Variants in PITPNM3 observed in about 807,000 individuals in gnomAD.
The protein encoded by PITPNM3 is membrane-associated phosphatidylinositol transfer protein 3.
Under a neutral mutation model 102.0 loss-of-function variants are expected in PITPNM3, and 26 were observed. That is an observed-to-expected ratio of 0.25 (90% CI 0.19 to 0.35). The LOEUF (loss-of-function observed/expected upper bound fraction) is 0.35, where lower values mean the gene tolerates loss of function less well. PITPNM3 is among the 10% of genes least tolerant of loss of function. The pLI is 1.00. For synonymous variants in PITPNM3, 578 were observed against 558.6 expected (o/e 1.03, Z -0.49); for missense variants, 1,083 against 1,346.1 (o/e 0.80, Z 3.06).
chr17:6,455,447 G>T lies in PITPNM3; in HGVS notation c.2816C>A (p.Pro939His), dbSNP rs759010442. ...VQQPDPPAAN[P>H]KPERAQSQPE... ...CTGGCTCTGGGCCCGCTCGGGCTTG[G>T]GGTTGGCGGCGGGCGGGTCGGGCTG... Residue 939 changes from proline (P) to histidine (H), a missense_variant, in exon 20 of 20, where the codon CCC (proline) becomes CAC (histidine). Transcript: ENST00000262483. 6.2e-6 allele frequency: 10 copies of T among 1,604,606 alleles called. No individual in the cohort carries two copies. The highest frequency in any genetic ancestry group is 2.5e-6 in the Non-Finnish European group (3 of 1,179,206).
chr17:6,538,163 TA>T, intron 1 of PITPNM3, 81 bp from the exon 2 acceptor site: 1 of 1,002,292 alleles, frequency 1.0e-6, no homozygotes. Flanking sequence ...CCCCCTGGAC[TA>T]AAGGCCAGTT....
At chr17:6,491,229 C>T (rs942728245) in intron 4 of PITPNM3, among the ~76,000 whole-genome samples, 4 of 151,470 alleles carry the variant, frequency 2.6e-5, no homozygotes, top group African/African-American at 4.9e-5. Context: ...GGACCAGCAG[C>T]TCAAGGGAAT....
rs1298303560 is a variant in PITPNM3 at position 6,461,020 on chromosome 17, CT to C, written c.2490+352del. 19 of 362,330 alleles carry C rather than the reference CT, an allele frequency of 5.2e-5. No homozygotes were observed. In the East Asian group the frequency reaches 1.1e-3, roughly 21 times the overall value. The allele number at this position is 362,330 out of a possible 1,614,324, so 22.4% of individuals were successfully genotyped here. On this transcript the variant is annotated intron_variant, in intron 18 of 19. Coordinates refer to ENST00000262483, the MANE Select transcript of PITPNM3 (RefSeq NM_031220.4). ...CACGGAAAGCACATCCTCTGCCCCC[CT>C]GGTTCTGTTTGTCTCTGTGCAGCCC...
rs1420517628 is a variant in PITPNM3 at position 6,537,942 on chromosome 17, T to TA, written c.118+44dup. On this transcript the variant is annotated intron_variant, in intron 2 of 19. Coordinates refer to ENST00000262483, the MANE Select transcript of PITPNM3 (RefSeq NM_031220.4). The surrounding 1 kb of genome is among the most constrained non-coding windows in gnomAD (Gnocchi z 4.4). Reference sequence around the variant, plus strand: ...AATGGGATCTTCTTCTTGAGGCTTCTAGGAAGGTCACCCAGCCAGTGATAT... The same window carrying TA: ...AATGGGATCTTCTTCTTGAGGCTTCTAAGGAAGGTCACCCAGCCAGTGATAT... The TA allele has an allele frequency of 2.0e-6, 3 of 1,526,922 alleles. No homozygotes were observed. Among genetic ancestry groups the TA allele is most frequent in the Non-Finnish European group, 2.7e-6 (3 of 1,103,092 alleles). The allele number at this position is 1,526,922 out of a possible 1,614,324, so 94.6% of individuals were successfully genotyped here. A position where few individuals can be genotyped will look rare whatever the true frequency, so the allele number is the denominator to read the frequency against.
rs563029503 is a variant in PITPNM3 at position 6,483,426 on chromosome 17, C to G, written c.587+91G>C. On this transcript the variant is annotated intron_variant, in intron 6 of 19. Coordinates refer to ENST00000262483, the MANE Select transcript of PITPNM3 (RefSeq NM_031220.4). Reference sequence around the variant, plus strand: ...CCCAGAGAGTCCTTGCAGGTACCCACCTGCCCACGGGGTCCATGCTGCAGG... The same window carrying G: ...CCCAGAGAGTCCTTGCAGGTACCCAGCTGCCCACGGGGTCCATGCTGCAGG... 7.8e-6 allele frequency: 10 copies of G among 1,280,312 alleles called. No homozygotes were observed. In the Admixed American group the frequency reaches 7.9e-5, roughly 10 times the overall value. The allele number at this position is 1,280,312 out of a possible 1,614,324, so 79.3% of individuals were successfully genotyped here.
intron 4 of PITPNM3, among the ~76,000 whole-genome samples, chr17:6,502,399 T>G (rs1175375928): frequency 6.6e-6 from 1 of 151,938 alleles, no homozygotes; most frequent in African/African-American, 2.4e-5. Context: ...GAGGTTGTAG[T>G]GAGCCGAGAT....
At chr17:6,494,718 A>G (rs1906699879) in intron 4 of PITPNM3, among the ~76,000 whole-genome samples, 1 of 152,206 alleles carries the variant, frequency 6.6e-6, no homozygotes, top group Non-Finnish European at 1.5e-5. Context: ...GAGAGTAAAC[A>G]TCAGTATAGC....
At chr17:6,523,599 T>C (rs1908661697) in intron 3 of PITPNM3, among the ~76,000 whole-genome samples, 1 of 152,222 alleles carries the variant, frequency 6.6e-6, no homozygotes, top group African/African-American at 2.4e-5. Context: ...GGGAAGGGGA[T>C]GGCCAAATGG....
At position 6,474,576 on chromosome 17, in the gene PITPNM3, A is replaced by G. The variant is rs1381042842; in HGVS notation, c.1114T>C (p.Ser372Pro). 6.3e-7 allele frequency: 1 copy of G among 1,582,782 alleles called. No homozygotes were observed. Among genetic ancestry groups the G allele is most frequent in the Non-Finnish European group, 8.6e-7 (1 of 1,165,282 alleles). The stretch of plus-strand genomic sequence containing the variant: ...GGCCCCCCAGCCGCCGGGGTCTCAG[A>G]CTCATCCTTTAGCACGCTGGAGTGG... ...SIHSSVLKDE[S>P]ETPAAGGPQL... Residue 372 changes from serine to proline, a missense_variant, in exon 10 of 20, where the codon TCT becomes CCT. Around this residue, in one of 5 missense-constraint regions of PITPNM3, gnomAD observed 172 missense variants for 175.6 expected, o/e 0.98. Transcript: ENST00000262483.
At position 6,469,759 on chromosome 17, in the gene PITPNM3, C is replaced by T. The variant is rs1904969078; in HGVS notation, c.1773+501G>A. On this transcript the variant is annotated intron_variant, in intron 13 of 19. Coordinates refer to ENST00000262483, the MANE Select transcript of PITPNM3 (RefSeq NM_031220.4). This position sits in a 1 kb window ranked among gnomAD's most constrained non-coding sequence, Gnocchi z 4.0. ...AAACACAAGCCAGTTGCTATTTCTT[C>T]CTTGCTCACAGCCCTGCAATGGCTT... Among the ~76,000 whole-genome samples, 1 of 152,216 alleles carries T rather than the reference C, an allele frequency of 6.6e-6. No individual in the cohort carries two copies. The highest frequency in any genetic ancestry group is 1.5e-5 in the Non-Finnish European group (1 of 68,042).
In PITPNM3 at chr17:6,455,303, G is replaced by T; in HGVS notation, c.*35C>A. The T allele has an allele frequency of 6.5e-7, 1 of 1,533,550 alleles. No homozygotes were observed. The allele number at this position is 1,533,550 out of a possible 1,614,324, so 95.0% of individuals were successfully genotyped here. ...CCGTCCCCGCAGGCAGCCTGATTGG[G>T]CCCCCCGCTCCCTGCTCTGAGCACA... On this transcript the variant is annotated 3_prime_UTR_variant, in exon 20 of 20. Coordinates refer to ENST00000262483, the MANE Select transcript of PITPNM3 (RefSeq NM_031220.4).
chr17:6,554,687 T>A (rs546161292), intron 1 of PITPNM3, among the ~76,000 whole-genome samples: 2 of 152,046 alleles, frequency 1.3e-5, no homozygotes, highest in African/African-American at 4.8e-5. Flanking sequence ...GGTAAGGGGG[T>A]GACCTATCAG....
chr17:6,465,628 T>C (rs992606738), intron 14 of PITPNM3, among the ~76,000 whole-genome samples: 6 of 152,352 alleles, frequency 3.9e-5, no homozygotes, highest in Non-Finnish European at 8.8e-5. Context: ...CGTTCTTCCC[T>C]TGCCCAATTC....
rs552772687 is a variant in PITPNM3 at position 6,515,441 on chromosome 17, A to G, written c.226+9915T>C. Among the ~76,000 whole-genome samples, 10 of 151,596 alleles carry G rather than the reference A, an allele frequency of 6.6e-5. No individual in the cohort carries two copies. The South Asian group carries it at 2.1e-3, about 32-fold the overall frequency. On this transcript the variant is annotated intron_variant, in intron 3 of 19. Coordinates refer to ENST00000262483, the MANE Select transcript of PITPNM3 (RefSeq NM_031220.4). ...AGAAAGAAAGAAAAGAAAAAATATTATTGAGCTAGATAATGGTGATAGTTG... is the reference window on the plus strand; with the variant it reads ...AGAAAGAAAGAAAAGAAAAAATATTGTTGAGCTAGATAATGGTGATAGTTG...
Position 6,556,280 on chromosome 17 carries a change from T to G in PITPNM3, c.22+105A>C. On this transcript the variant is annotated intron_variant, in intron 1 of 19. Transcript: ENST00000262483. This position sits in a 1 kb window ranked among gnomAD's most constrained non-coding sequence, Gnocchi z 5.2. ...CCGCCCCCTACGCCCTCCCGGGACCTCCGCCCACCTGCGCGAGGGGTTCAC... is the reference window on the plus strand; with the variant it reads ...CCGCCCCCTACGCCCTCCCGGGACCGCCGCCCACCTGCGCGAGGGGTTCAC... 1 of 1,020,986 alleles carries G rather than the reference T, an allele frequency of 9.8e-7. No individual in the cohort carries two copies. Among genetic ancestry groups the G allele is most frequent in the South Asian group, 2.0e-5 (1 of 49,294 alleles). 63.2% of individuals were successfully genotyped at this position (1,020,986 alleles called of 1,614,324 possible). A position where few individuals can be genotyped will look rare whatever the true frequency, so the allele number is the denominator to read the frequency against.
At chr17:6,549,346 C>T (rs1247765764) in intron 1 of PITPNM3, among the ~76,000 whole-genome samples, 1 of 152,266 alleles carries the variant, frequency 6.6e-6, no homozygotes, top group Admixed American at 6.5e-5. Context: ...CTGACAGTGA[C>T]CACACAGGCT....
At position 6,452,504 on chromosome 17, in the gene PITPNM3, A is replaced by G. The variant is rs1350581749; in HGVS notation, c.*2834T>C. 6.6e-6 allele frequency: 1 copy of G among 152,260 alleles called. No homozygotes were observed. The highest frequency in any genetic ancestry group is 2.4e-5 in the African/African-American group (1 of 41,470). 9.4% of individuals were successfully genotyped at this position (152,260 alleles called of 1,614,324 possible). A position where few individuals can be genotyped will look rare whatever the true frequency, so the allele number is the denominator to read the frequency against. On this transcript the variant is annotated 3_prime_UTR_variant, in exon 20 of 20. Transcript: ENST00000262483. ...ACAAAACAGCTGGATTGGGGGTCAC[A>G]GAACTACTCAAGGAGAGGCAGCAGC...
At position 6,457,019 on chromosome 17, in the gene PITPNM3, C is replaced by T. The variant is rs1914146965; in HGVS notation, c.2619+575G>A. ...AATCACACACCTGCTCATCCCACAC[C>T]CTCTCAGAGTCCCCACACAGGCCAT... On this transcript the variant is annotated intron_variant, in intron 19 of 19. Transcript: ENST00000262483. The surrounding 1 kb of genome is among the most constrained non-coding windows in gnomAD (Gnocchi z 4.7). Among the ~76,000 whole-genome samples, 1 of 152,190 alleles carries T rather than the reference C, an allele frequency of 6.6e-6. No individual in the cohort carries two copies. The highest frequency in any genetic ancestry group is 2.4e-5 in the African/African-American group (1 of 41,450).
Position 6,537,927 on chromosome 17 carries a change from T to C in PITPNM3, c.118+60A>G, listed in dbSNP as rs2150664896. On this transcript the variant is annotated intron_variant, in intron 2 of 19. Transcript: ENST00000262483. The surrounding 1 kb of genome is among the most constrained non-coding windows in gnomAD (Gnocchi z 4.4). Reference sequence around the variant, plus strand: ...GGATGCGGACCCCCAAATGGGATCTTCTTCTTGAGGCTTCTAGGAAGGTCA... The same window carrying C: ...GGATGCGGACCCCCAAATGGGATCTCCTTCTTGAGGCTTCTAGGAAGGTCA... 1 of 1,436,922 alleles carries C rather than the reference T, an allele frequency of 7.0e-7. No homozygotes were observed. Among genetic ancestry groups the C allele is most frequent in the East Asian group, 2.3e-5 (1 of 43,440 alleles). The allele number at this position is 1,436,922 out of a possible 1,614,324, so 89.0% of individuals were successfully genotyped here. A position where few individuals can be genotyped will look rare whatever the true frequency, so the allele number is the denominator to read the frequency against.
Sources: gnomAD v4.1 joint callset for allele counts (sites outside exome capture counted in the v4.1 genomes callset) on GRCh38, gnomAD v4.1.1 for gene constraint, gnomAD v4.1.1 regional missense constraint, Gnocchi (gnomAD v3.1) non-coding constraint, MANE v1.5 for transcripts, NCBI Gene and HGNC (gene_info 2026-07-23, HGNC 2026-07-21) for gene names.